Variants in NALCN observed in about 807,000 individuals in gnomAD.
NALCN encodes the protein sodium leak channel NALCN.
A neutral mutation model predicts 225.3 loss-of-function variants in NALCN; 111 were observed. The ratio of observed to expected loss-of-function variants is 0.49; its 90% CI spans 0.42 to 0.58. The LOEUF is 0.58. Ranked by LOEUF, NALCN falls within the 20% of genes least tolerant of loss-of-function variation. NALCN has a pLI of 0.00. For synonymous variants in NALCN, 764 were observed against 769.0 expected, an observed-to-expected ratio of 0.99 and a Z score of 0.11; for missense variants, 1,378 against 2,202.4, an observed-to-expected ratio of 0.63 and a Z score of 7.49.
At chr13:101,315,123 C>T (rs990590226) in intron 7 of NALCN, among the ~76,000 whole-genome samples, 8 of 152,126 alleles carry the variant, frequency 5.3e-5, no homozygotes, top group South Asian at 2.1e-4. Flanking sequence ...AGTAAATTAA[C>T]GAACTGTAAT....
intron 1 of NALCN, among the ~76,000 whole-genome samples, chr13:101,411,630 G>A (rs2047790081): frequency 6.6e-6 from 1 of 152,156 alleles, no homozygotes; most frequent in Non-Finnish European, 1.5e-5. Flanking sequence ...TTACAGGCGT[G>A]AGCCACCGCG....
At chr13:101,378,205 T>A (rs17584091) in intron 4 of NALCN, among the ~76,000 whole-genome samples, 32,612 of 151,886 alleles carry the variant, frequency 0.21, 3,642 homozygotes, top group Non-Finnish European at 0.24. Flanking sequence ...TAATTCACAA[T>A]CATAACTGAC....
chr13:101,139,053 C>T (rs2036939456), intron 17 of NALCN, among the ~76,000 whole-genome samples: 1 of 152,126 alleles, frequency 6.6e-6, no homozygotes, highest in South Asian at 2.1e-4. Context: ...ACACTCTTTC[C>T]TGTCTTTTCC....
intron 1 of NALCN, among the ~76,000 whole-genome samples, chr13:101,399,727 G>C (rs1433412681): frequency 6.6e-6 from 1 of 152,182 alleles, no homozygotes; most frequent in Non-Finnish European, 1.5e-5. Context: ...TGAATGCAGT[G>C]ATTATCTAAA....
chr13:101,134,940 G>C (rs551184765), intron 17 of NALCN, among the ~76,000 whole-genome samples: 2 of 152,152 alleles, frequency 1.3e-5, no homozygotes, highest in Non-Finnish European at 2.9e-5. Flanking sequence ...CACGCCTGTA[G>C]TCCCAGCACT....
At chr13:101,126,563 G>C (rs1183485762) in intron 17 of NALCN, among the ~76,000 whole-genome samples, 1 of 150,976 alleles carries the variant, frequency 6.6e-6, no homozygotes, top group Non-Finnish European at 1.5e-5. Flanking sequence ...CGTAATCTCA[G>C]CTCACCGCAA....
chr13:101,262,161 A>C (rs1294351005), intron 10 of NALCN, among the ~76,000 whole-genome samples: 1 of 152,204 alleles, frequency 6.6e-6, no homozygotes, highest in Non-Finnish European at 1.5e-5. Context: ...ATTTATTTGC[A>C]TATGTTGAAT....
At chr13:101,189,747 C>A (rs536218207) in intron 14 of NALCN, among the ~76,000 whole-genome samples, 1 of 152,120 alleles carries the variant, frequency 6.6e-6, no homozygotes, top group Non-Finnish European at 1.5e-5. Context: ...AATAAAAGAA[C>A]AAGTTATTTC....
At chr13:101,407,976 A>C (rs965004714) in intron 1 of NALCN, among the ~76,000 whole-genome samples, 6 of 152,192 alleles carry the variant, frequency 3.9e-5, no homozygotes, top group African/African-American at 1.4e-4. Context: ...TGCCTCAATG[A>C]GGTAAGTGTC....
chr13:101,359,625 G>A (rs1036438959), intron 6 of NALCN, among the ~76,000 whole-genome samples: 5 of 152,196 alleles, frequency 3.3e-5, no homozygotes, highest in African/African-American at 1.2e-4. Flanking sequence ...TTATGCAGCT[G>A]ATGTGCATAA....
At chr13:101,180,710 G>C (rs1358028263) in intron 14 of NALCN, 2 of 196,412 alleles carry the variant, frequency 1.0e-5, no homozygotes, top group African/African-American at 4.6e-5. Flanking sequence ...CCCCCAGCAA[G>C]GTTCTCTCCC....
chr13:101,334,418 T>C (rs117331872), intron 7 of NALCN, among the ~76,000 whole-genome samples: 3,921 of 151,318 alleles, frequency 0.026, 64 homozygotes, highest in Non-Finnish European at 0.042. Context: ...ACACATACAT[T>C]CAAGAAGAGA....
At chr13:101,267,911 C>T (rs1249038064) in intron 10 of NALCN, among the ~76,000 whole-genome samples, 2 of 152,192 alleles carry the variant, frequency 1.3e-5, no homozygotes, top group African/African-American at 2.4e-5. Flanking sequence ...TTTCCTCTTC[C>T]TGGCATATAG....
At chr13:101,338,733 G>A (rs2045464483) in intron 7 of NALCN, among the ~76,000 whole-genome samples, 1 of 152,146 alleles carries the variant, frequency 6.6e-6, no homozygotes, top group Non-Finnish European at 1.5e-5. Flanking sequence ...TTCACTAAAG[G>A]GAAATAATGC....
intron 7 of NALCN, among the ~76,000 whole-genome samples, chr13:101,297,188 T>G (rs560035488): frequency 1.3e-5 from 2 of 152,334 alleles, no homozygotes; most frequent in African/African-American, 4.8e-5. Context: ...AAAATTGTGA[T>G]GATAACTAGC....
intron 7 of NALCN, among the ~76,000 whole-genome samples, chr13:101,322,704 C>T (rs61973680): frequency 2.6e-4 from 40 of 151,926 alleles, no homozygotes; most frequent in Non-Finnish European, 4.1e-4. Flanking sequence ...AATCTCTAAG[C>T]GTGGTTTTTT....
At chr13:101,070,454 T>C (rs1196659345) in intron 37 of NALCN, among the ~76,000 whole-genome samples, 1 of 152,208 alleles carries the variant, frequency 6.6e-6, no homozygotes, top group Non-Finnish European at 1.5e-5. Context: ...GCAATCACTA[T>C]CTATGGCAGC....
chr13:101,279,112 C>CA (rs35433549), intron 10 of NALCN, among the ~76,000 whole-genome samples: 40,116 of 152,004 alleles, frequency 0.26, 5,629 homozygotes, highest in South Asian at 0.31. Flanking sequence ...AAGCAGACAT[C>CA]AACAACTAAT....
chr13:101,315,222 C>T (rs529450), intron 7 of NALCN, among the ~76,000 whole-genome samples: 62,064 of 151,872 alleles, frequency 0.41, 13,047 homozygotes, highest in Middle Eastern at 0.47. Context: ...ATTGTCAAAA[C>T]GATAAAATAA....
Sources: allele counts gnomAD v4.1 joint callset (sites outside exome capture counted in the v4.1 genomes callset), GRCh38; gene constraint gnomAD v4.1.1; transcripts MANE v1.5; gene names NCBI Gene and HGNC (gene_info 2026-07-23, HGNC 2026-07-21).